EP400: variants seen among roughly 807,000 people sequenced by gnomAD.
EP400 encodes the protein E1A binding protein p400, also known as E1A-binding protein p400.
EP400 carries 105 observed loss-of-function variants against 354.1 expected under a neutral mutation model. The ratio of observed to expected loss-of-function variants is 0.30; its 90% CI spans 0.25 to 0.35. The LOEUF (loss-of-function observed/expected upper bound fraction) is 0.35, where lower values mean the gene tolerates loss of function less well. EP400 is among the 10% of genes least tolerant of loss of function. EP400 has a pLI of 1.00. For synonymous variants in EP400, 1,646 were observed against 1,716.9 expected (o/e 0.96, Z 1.02); for missense variants, 3,280 against 4,121.0 (o/e 0.80, Z 5.59).
chr12:132,057,543 A>T (rs1463524745), intron 45 of EP400, among the ~76,000 whole-genome samples: 2 of 152,250 alleles, frequency 1.3e-5, no homozygotes, highest in Non-Finnish European at 2.9e-5. Context: ...TAGCTACGTG[A>T]TGATAATGTG....
At chr12:131,964,956 A>G (rs974176976) in intron 2 of EP400, among the ~76,000 whole-genome samples, 2 of 152,084 alleles carry the variant, frequency 1.3e-5, no homozygotes, top group Admixed American at 1.3e-4. Flanking sequence ...GGCCTTTTTA[A>G]TCTGGGTTGG....
Position 132,077,564 on chromosome 12 carries a change from A to G in EP400, c.9263A>G (p.Asn3088Ser), listed in dbSNP as rs1241523187. The G allele has an allele frequency of 3.1e-6, 5 of 1,613,756 alleles. No homozygotes were observed. The highest frequency in any genetic ancestry group is 4.2e-6 in the Non-Finnish European group (5 of 1,179,920). Reference sequence around the variant, plus strand: ...CCGCTCCAGACTCCAGGCGCTCCCAACCCAGCCCAGGTGCCCGCCAGCTCC... The same window carrying G: ...CCGCTCCAGACTCCAGGCGCTCCCAGCCCAGCCCAGGTGCCCGCCAGCTCC... ...SAPLQTPGAP[N>S]PAQVPASSDS... The change falls in exon 53 of 53, where the codon AAC becomes AGC. Residue 3088 changes from asparagine to serine, a missense_variant. By Grantham distance (46) the Asn-to-Ser change is conservative (BLOSUM62 1). Transcript: ENST00000389561.
Position 131,980,832 on chromosome 12 carries a change from GT to G in EP400, c.1436-656del, listed in dbSNP as rs561513878. ...CTCCCAAAGTGCTGGGATTATAAGC[GT>G]GAGCCACCGCGCCCAACTGTCTGTC... is the stretch of plus-strand genomic sequence containing the variant. On this transcript the variant is annotated intron_variant, in intron 3 of 52. Coordinates refer to ENST00000389561, the MANE Select transcript of EP400 (RefSeq NM_015409.5). Among the ~76,000 whole-genome samples the G allele has an allele frequency of 1.0e-3, 155 of 152,276 alleles. 1 individual carries two copies. Among genetic ancestry groups the G allele is most frequent in the African/African-American group, 3.7e-3 (153 of 41,558 alleles).
At chr12:131,999,044 G>C (rs537206646) in intron 12 of EP400, among the ~76,000 whole-genome samples, 1 of 151,780 alleles carries the variant, frequency 6.6e-6, no homozygotes, top group African/African-American at 2.4e-5. Context: ...TTGAGTTCGT[G>C]CTAGTGGTGG....
intron 19 of EP400, among the ~76,000 whole-genome samples, chr12:132,016,265 C>A (rs1034499990): frequency 3.9e-5 from 6 of 152,234 alleles, no homozygotes; most frequent in Non-Finnish European, 7.3e-5. Flanking sequence ...ACTCATTTCT[C>A]AGCCCCCATG....
intron 21 of EP400, among the ~76,000 whole-genome samples, 183 bp from the exon 22 acceptor site, chr12:132,019,866 G>A (rs1188434573): frequency 6.6e-6 from 1 of 152,128 alleles, no homozygotes; most frequent in Admixed American, 6.5e-5. Flanking sequence ...GCCCGGGCCC[G>A]GGGTGAGCTT....
chr12:132,074,429 G>A (rs982188208), intron 51 of EP400, among the ~76,000 whole-genome samples: 3 of 152,152 alleles, frequency 2.0e-5, no homozygotes, highest in Non-Finnish European at 4.4e-5. Flanking sequence ...TTACTGAGAC[G>A]TTGTCTTTGT....
rs745548999 is a variant in EP400 at position 132,050,946 on chromosome 12, C to T, written c.7394+291C>T. 1.9e-6 allele frequency: 1 copy of T among 525,114 alleles called. No homozygotes were observed. The highest frequency in any genetic ancestry group is 3.4e-5 in the Admixed American group (1 of 29,064). The allele number at this position is 525,114 out of a possible 1,614,324, so 32.5% of individuals were successfully genotyped here. On this transcript the variant is annotated intron_variant, in intron 41 of 52. Coordinates refer to ENST00000389561, the MANE Select transcript of EP400 (RefSeq NM_015409.5). This position sits in a 1 kb window ranked among gnomAD's most constrained non-coding sequence, Gnocchi z 4.8. ...TGTGCCAGGGCCATGTGGCCAACCA[C>T]AAGGGGCTTTCTTCCTCACACCCCA...
intron 2 of EP400, among the ~76,000 whole-genome samples, chr12:131,968,029 G>A (rs919873682): frequency 1.3e-5 from 2 of 152,080 alleles, no homozygotes; most frequent in African/African-American, 2.4e-5. Context: ...TGTTTTGCAA[G>A]TATTTTTTCC....
chr12:132,027,904 T>C lies in EP400; in HGVS notation c.5110-113T>C. The C allele has an allele frequency of 9.1e-7, 1 of 1,094,046 alleles. No homozygotes were observed. The highest frequency in any genetic ancestry group is 1.3e-6 in the Non-Finnish European group (1 of 757,294). The allele number at this position is 1,094,046 out of a possible 1,614,324, so 67.8% of individuals were successfully genotyped here. On this transcript the variant is annotated intron_variant, in intron 26 of 52. Transcript: ENST00000389561. The surrounding 1 kb of genome is among the most constrained non-coding windows in gnomAD (Gnocchi z 4.9). ...ATTTCCTGTAACACAAGACCGGGGA[T>C]ATTGAAGTGGATCTCATATGTGGGA...
Position 131,961,627 on chromosome 12 carries a change from C to G in EP400, c.1008C>G (p.Leu336=). The change falls in exon 2 of 53, where the codon CTC becomes CTG. Residue 336 remains leucine, a synonymous_variant. Coordinates refer to ENST00000389561, the MANE Select transcript of EP400 (RefSeq NM_015409.5). ...AVPPGLSSLP[L]TSVGNTGMKK... ...CCCCAGGCCTTTCCAGCCTCCCACT[C>G]ACGTCTGTGGGGAACACGGGAATGA... 6.3e-7 allele frequency: 1 copy of G among 1,590,164 alleles called. No homozygotes were observed. The highest frequency in any genetic ancestry group is 1.1e-5 in the South Asian group (1 of 88,860).
chr12:131,988,133 G>T (rs1167252656), intron 7 of EP400, among the ~76,000 whole-genome samples: 1 of 151,868 alleles, frequency 6.6e-6, no homozygotes, highest in East Asian at 1.9e-4. Context: ...CGGCCTCCTG[G>T]AGTGCTGGGA....
intron 45 of EP400, among the ~76,000 whole-genome samples, chr12:132,058,353 A>ATTTTTTTTTTTTTTTTTTTTTT (rs60226464): frequency 7.7e-6 from 1 of 129,562 alleles, no homozygotes; most frequent in African/African-American, 3.0e-5. Context: ...TAAAGATTGG[A>ATTTTTTTTTTTTTTTTTTTTTT]TTTTTTTTTT....
intron 22 of EP400, 35 bp from the exon 23 acceptor site, chr12:132,021,044 A>C: frequency 6.5e-7 from 1 of 1,548,756 alleles, no homozygotes; most frequent in Non-Finnish European, 8.7e-7. Context: ...AAGAACCTCT[A>C]ACAGCTTTGC....
chr12:131,978,439 C>G (rs530587171), intron 2 of EP400, among the ~76,000 whole-genome samples: 31 of 152,320 alleles, frequency 2.0e-4, no homozygotes, highest in Admixed American at 1.1e-3. Context: ...CTTTTTGTCT[C>G]TATAGTTTTG....
intron 29 of EP400, 46 bp downstream of exon 29, chr12:132,030,204 GTGTTGAATGC>G: frequency 6.2e-7 from 1 of 1,604,542 alleles, no homozygotes; most frequent in Non-Finnish European, 8.5e-7. Flanking sequence ...TCAGTCACTG[GTGTTGAATGC>G]CTAAGTGCTG....
intron 12 of EP400, among the ~76,000 whole-genome samples, chr12:131,996,030 C>T (rs961714406): frequency 2.6e-5 from 4 of 152,256 alleles, no homozygotes; most frequent in Admixed American, 6.5e-5. Context: ...GGCTTGCTCT[C>T]TCTACTCAGC....
At chr12:131,992,147 T>A (rs753027149) in intron 10 of EP400, 26 bp from the exon 11 acceptor site, 3 of 1,601,736 alleles carry the variant, frequency 1.9e-6, no homozygotes, top group Non-Finnish European at 1.7e-6. Context: ...ATCTCATGCT[T>A]GTGGTTTTTC....
Position 131,979,786 on chromosome 12 carries a change from T to C in EP400, c.1428T>C (p.Gly476=), listed in dbSNP as rs191009448. The C allele has an allele frequency of 6.2e-7, 1 of 1,607,000 alleles. No individual in the cohort carries two copies. The highest frequency in any genetic ancestry group is 1.1e-5 in the South Asian group (1 of 89,976). Residue 476 remains glycine, a synonymous_variant, in exon 3 of 53, where the codon GGT becomes GGC. Coordinates refer to ENST00000389561, the MANE Select transcript of EP400 (RefSeq NM_015409.5). ...FKRQQAMPST[G]MAEQSKRPRL... Reference sequence around the variant, plus strand: ...GGCAGCAGGCGATGCCCTCCACAGGTATGGCAGGTACGTCGGCACGGCTAG... The same window carrying C: ...GGCAGCAGGCGATGCCCTCCACAGGCATGGCAGGTACGTCGGCACGGCTAG...
Sources: gnomAD v4.1 joint callset for allele counts (sites outside exome capture counted in the v4.1 genomes callset) on GRCh38, gnomAD v4.1.1 for gene constraint, Gnocchi (gnomAD v3.1) non-coding constraint, MANE v1.5 for transcripts, NCBI Gene and HGNC (gene_info 2026-07-23, HGNC 2026-07-21) for gene names.